FOXO3: variants seen among roughly 807,000 people sequenced by gnomAD.
FOXO3 encodes the protein forkhead box protein O3.
In FOXO3, 4 loss-of-function variants were observed where a neutral mutation model predicts 41.9. The observed-to-expected ratio is 0.10, with a 90% confidence interval of 0.05 to 0.22. The LOEUF (loss-of-function observed/expected upper bound fraction) is 0.22. Among genes scored for constraint, FOXO3 ranks in the 10% least tolerant of loss-of-function variants. The pLI is 1.00. For synonymous variants in FOXO3, 318 were observed against 389.3 expected (o/e 0.82, Z 2.16); for missense variants, 534 against 906.8 (o/e 0.59, Z 5.28).
intron 1 of FOXO3, among the ~76,000 whole-genome samples, chr6:108,624,693 A>G (rs1390043772): frequency 6.6e-6 from 1 of 152,158 alleles, no homozygotes; most frequent in Non-Finnish European, 1.5e-5. Flanking sequence ...CTTTTTTTCT[A>G]TGCATAAAAG....
intron 1 of FOXO3, among the ~76,000 whole-genome samples, chr6:108,563,241 A>T (rs1240483789): frequency 2.0e-5 from 3 of 152,242 alleles, no homozygotes; most frequent in Non-Finnish European, 4.4e-5. Context: ...TACGGCTTAT[A>T]TCAGAGAGGC....
At chr6:108,588,247 T>A (rs1239804065) in intron 1 of FOXO3, among the ~76,000 whole-genome samples, 3 of 152,224 alleles carry the variant, frequency 2.0e-5, no homozygotes, top group Non-Finnish European at 4.4e-5. Flanking sequence ...ATTGAAAAAT[T>A]CAATTTTTGT....
rs1318977860 is a variant in FOXO3 at position 108,663,587 on chromosome 6, G to A, written c.754G>A (p.Val252Ile). The change falls in exon 2 of 3, where the codon GTC (valine) becomes ATC (isoleucine). Residue 252 changes from valine to isoleucine, a missense_variant. Physicochemically the swap from Val to Ile is conservative, Grantham distance 29 (BLOSUM62 3). Coordinates refer to ENST00000406360, the MANE Select transcript of FOXO3 (RefSeq NM_001455.4). Reference sequence around the variant, plus strand: ...CGGAAAAGCCCCCCGGCGGCGGGCTGTCTCCATGGACAATAGCAACAAGTA... The same window carrying A: ...CGGAAAAGCCCCCCGGCGGCGGGCTATCTCCATGGACAATAGCAACAAGTA... ...KSGKAPRRRA[V>I]SMDNSNKYTK... 2 of 1,613,582 alleles carry A rather than the reference G, an allele frequency of 1.2e-6. No homozygotes were observed. The highest frequency in any genetic ancestry group is 1.7e-6 in the Non-Finnish European group (2 of 1,179,664).
chr6:108,654,229 A>G (rs1190965572), intron 1 of FOXO3, among the ~76,000 whole-genome samples: 2 of 152,116 alleles, frequency 1.3e-5, no homozygotes, highest in Non-Finnish European at 2.9e-5. Context: ...GGCTGTGAGG[A>G]ATGGAATGTT....
chr6:108,675,181 T>C (rs1420220626), intron 2 of FOXO3, among the ~76,000 whole-genome samples: 2 of 152,174 alleles, frequency 1.3e-5, no homozygotes, highest in East Asian at 3.8e-4. Context: ...TAGCCATTAA[T>C]AATCGCTAAA....
intron 1 of FOXO3, among the ~76,000 whole-genome samples, chr6:108,614,364 A>G (rs1777437580): frequency 6.6e-6 from 1 of 152,146 alleles, no homozygotes; most frequent in Non-Finnish European, 1.5e-5. Context: ...TTGAAAAATA[A>G]TAATTGTATA....
At chr6:108,630,074 A>G (rs1777923297) in intron 1 of FOXO3, among the ~76,000 whole-genome samples, 1 of 152,154 alleles carries the variant, frequency 6.6e-6, no homozygotes, top group South Asian at 2.1e-4. Context: ...TTCCTGAGAG[A>G]AGATAGTTTC....
intron 1 of FOXO3, among the ~76,000 whole-genome samples, chr6:108,634,335 G>A (rs1050598137): frequency 3.3e-5 from 5 of 152,210 alleles, no homozygotes; most frequent in Admixed American, 2.0e-4. Context: ...CTTGGGTGGC[G>A]CAAGGTTTCA....
At chr6:108,663,320 A>T in intron 1 of FOXO3, 135 bp from the exon 2 acceptor site, 3 of 1,350,674 alleles carry the variant, frequency 2.2e-6, no homozygotes, top group Non-Finnish European at 3.0e-6. Context: ...GCATTCCAGC[A>T]TGGGCAGCAG....
chr6:108,658,393 A>G (rs1191297384), intron 1 of FOXO3, among the ~76,000 whole-genome samples: 1 of 152,188 alleles, frequency 6.6e-6, no homozygotes, highest in Non-Finnish European at 1.5e-5. Context: ...AACTTTCTGT[A>G]GGTAATAGGC....
chr6:108,669,866 C>G (rs180872509), intron 2 of FOXO3, among the ~76,000 whole-genome samples: 3 of 152,302 alleles, frequency 2.0e-5, no homozygotes, highest in Non-Finnish European at 2.9e-5. Flanking sequence ...GCTCCTCCTT[C>G]AAGCAGTTGT....
rs193212990 is a variant in FOXO3, at chr6:108,606,054, C to T, written c.621+44225C>T. Among the ~76,000 whole-genome samples the T allele has an allele frequency of 8.1e-4, 123 of 152,160 alleles. 2 individuals carry two copies. Among genetic ancestry groups the T allele is most frequent in the Non-Finnish European group, 1.2e-3 (82 of 68,020 alleles). On this transcript the variant is annotated intron_variant, in intron 1 of 2. Transcript: ENST00000406360. Reference sequence around the variant, plus strand: ...TACAAGTAAATTAAAATAGTTTGTGCCACAAAGAAACTTTGGTGCGAAACA... The same window carrying T: ...TACAAGTAAATTAAAATAGTTTGTGTCACAAAGAAACTTTGGTGCGAAACA...
chr6:108,577,819 G>C (rs1776303612), intron 1 of FOXO3, among the ~76,000 whole-genome samples: 1 of 152,230 alleles, frequency 6.6e-6, no homozygotes, highest in Admixed American at 6.5e-5. Context: ...TGGGATTAAA[G>C]AGTAAGGTTG....
chr6:108,648,061 T>G (rs1778442015), intron 1 of FOXO3, among the ~76,000 whole-genome samples: 1 of 152,158 alleles, frequency 6.6e-6, no homozygotes, highest in Admixed American at 6.5e-5. Flanking sequence ...AACAGCAAAG[T>G]CACTGTGGCG....
intron 1 of FOXO3, among the ~76,000 whole-genome samples, chr6:108,641,148 G>C (rs548057745): frequency 2.6e-5 from 4 of 152,198 alleles, no homozygotes; most frequent in Admixed American, 2.6e-4. Context: ...GACCTCAAGC[G>C]ATCTGCCCAC....
chr6:108,588,223 G>C (rs190198795), intron 1 of FOXO3, among the ~76,000 whole-genome samples: 267 of 152,138 alleles, frequency 1.8e-3, no homozygotes, highest in Middle Eastern at 6.8e-3. Flanking sequence ...TAATTATTTT[G>C]AACTATTCAG....
At chr6:108,578,557 A>G (rs1350523563) in intron 1 of FOXO3, among the ~76,000 whole-genome samples, 1 of 152,248 alleles carries the variant, frequency 6.6e-6, no homozygotes, top group East Asian at 1.9e-4. Flanking sequence ...AGGTGTATAG[A>G]GGAAACCACA....
At chr6:108,625,812 C>T (rs1299572037) in intron 1 of FOXO3, among the ~76,000 whole-genome samples, 1 of 152,144 alleles carries the variant, frequency 6.6e-6, no homozygotes, top group African/African-American at 2.4e-5. Flanking sequence ...AAGATCACTA[C>T]CATGTCCTGG....
chr6:108,588,771 C>T (rs1035239003), intron 1 of FOXO3, among the ~76,000 whole-genome samples: 1 of 152,194 alleles, frequency 6.6e-6, no homozygotes, highest in African/African-American at 2.4e-5. Flanking sequence ...CTGGGCCTTG[C>T]CCTCTCACTC....
Sources: allele counts gnomAD v4.1 joint callset (sites outside exome capture counted in the v4.1 genomes callset), GRCh38; gene constraint gnomAD v4.1.1; transcripts MANE v1.5; gene names NCBI Gene and HGNC (gene_info 2026-07-23, HGNC 2026-07-21).